The following CROCC2 variants were observed in gnomAD, a reference collection of about 807,000 sequenced individuals.
The protein encoded by CROCC2 is ciliary rootlet coiled-coil, rootletin family member 2.
A neutral mutation model predicts 177.6 loss-of-function variants in CROCC2; 163 were observed. The ratio of observed to expected loss-of-function variants is 0.92; its 90% CI spans 0.81 to 1.05. The LOEUF (loss-of-function observed/expected upper bound fraction) is 1.05, where lower values mean the gene tolerates loss of function less well. Ranked by LOEUF, CROCC2 falls within the 50% of genes least tolerant of loss-of-function variation. The pLI is 0.00. For synonymous variants in CROCC2, 904 were observed against 787.3 expected, an observed-to-expected ratio of 1.15 and a Z score of -2.48; for missense variants, 1,929 against 1,797.8, an observed-to-expected ratio of 1.07 and a Z score of -1.32.
chr2:240,926,637 C>T (rs2059396957), intron 5 of CROCC2, among the ~76,000 whole-genome samples: 1 of 152,250 alleles, frequency 6.6e-6, no homozygotes, highest in African/African-American at 2.4e-5. Flanking sequence ...GCCGGAGGGG[C>T]AGCCGCGTTT....
At chr2:240,916,675 T>C (rs1220191093) in intron 1 of CROCC2, among the ~76,000 whole-genome samples, 3 of 151,928 alleles carry the variant, frequency 2.0e-5, no homozygotes, top group Non-Finnish European at 2.9e-5. Context: ...CTGTAAATGT[T>C]AGGAATGAGT....
rs1386313814 is a variant in CROCC2, at chr2:240,933,125, G to A, written c.1252-6G>A. 18 of 1,549,998 alleles carry A rather than the reference G, an allele frequency of 1.2e-5. No individual in the cohort carries two copies. The highest frequency in any genetic ancestry group is 3.6e-5 in the South Asian group (3 of 84,050). On this transcript the variant is annotated splice_region_variant and splice_polypyrimidine_tract_variant and intron_variant, in intron 9 of 31. Coordinates refer to ENST00000690015, the MANE Select transcript of CROCC2 (RefSeq NM_001351305.2). ...GAGAGGCCCACAACTTACCCCACCC[G>A]AGCAGGAGCTGTGCCTGCAGCTGAA...
At chr2:240,913,590 C>T (rs2059301147) in intron 1 of CROCC2, among the ~76,000 whole-genome samples, 1 of 152,188 alleles carries the variant, frequency 6.6e-6, no homozygotes, top group South Asian at 2.1e-4. Context: ...ACAATCCCTG[C>T]CTCAGTGCCT....
chr2:240,965,132 C>T (rs1323735241), intron 22 of CROCC2, among the ~76,000 whole-genome samples: 1 of 152,210 alleles, frequency 6.6e-6, no homozygotes, highest in Non-Finnish European at 1.5e-5. Context: ...GCCCACCCCG[C>T]CCCACCTGAG....
chr2:240,933,077 G>C (rs1173762038), intron 9 of CROCC2, 54 bp from the exon 10 acceptor site: 6 of 1,545,848 alleles, frequency 3.9e-6, no homozygotes, highest in Middle Eastern at 3.5e-4. Flanking sequence ...GTGGGCCTCG[G>C]TGGGCAAAGC....
chr2:240,915,101 C>G (rs1235432939), intron 1 of CROCC2, among the ~76,000 whole-genome samples: 1 of 152,222 alleles, frequency 6.6e-6, no homozygotes, highest in Non-Finnish European at 1.5e-5. Flanking sequence ...CACCCCACCC[C>G]AGTGGAGAGC....
chr2:240,946,222 C>G lies in CROCC2; in HGVS notation c.2332C>G (p.Arg778Gly). The G allele has an allele frequency of 1.3e-6, 2 of 1,540,342 alleles. No homozygotes were observed. The highest frequency in any genetic ancestry group is 2.5e-5 in the East Asian group (1 of 40,580). The change falls in exon 15 of 32, where the codon CGG (arginine) becomes GGG (glycine). Residue 778 changes from arginine (R) to glycine (G), a missense_variant. Physicochemically the swap from Arg to Gly is moderately radical, Grantham distance 125. Around this residue, in one of 3 missense-constraint regions of CROCC2, gnomAD observed 1,397 missense variants for 1,239.9 expected, o/e 1.13. Transcript: ENST00000690015. The stretch of plus-strand genomic sequence containing the variant: ...GCAGGAGGCCTTGGAGAGGCAGGGC[C>G]GGCTCGCAGCTGAAGAGGCAGCTGA... ...AKQEALERQGRLAAEEAADLR... is the reference protein window; with the variant it reads ...AKQEALERQGGLAAEEAADLR...
At chr2:240,984,623 ACACACACACCCAGGCACTCACTC>A (rs2059824532) in intron 28 of CROCC2, among the ~76,000 whole-genome samples, 2 of 70,802 alleles carry the variant, frequency 2.8e-5, no homozygotes, top group South Asian at 5.7e-4. Flanking sequence ...CACTCACTCC[ACACACACACCCAGGCACTCACTC>A]CACACACACA....
At chr2:240,916,298 G>A (rs1383015306) in intron 1 of CROCC2, among the ~76,000 whole-genome samples, 1 of 151,748 alleles carries the variant, frequency 6.6e-6, no homozygotes, top group Admixed American at 6.6e-5. Context: ...CTCTCCTCCG[G>A]GTGGTTCCAT....
chr2:240,976,076 A>G (rs543133466), intron 27 of CROCC2, among the ~76,000 whole-genome samples: 2 of 152,304 alleles, frequency 1.3e-5, no homozygotes, highest in Non-Finnish European at 2.9e-5. Flanking sequence ...ACTGCATCAT[A>G]CCCATGCCCC....
intron 1 of CROCC2, among the ~76,000 whole-genome samples, chr2:240,911,848 G>A (rs1185553001): frequency 6.6e-6 from 1 of 152,170 alleles, no homozygotes; most frequent in African/African-American, 2.4e-5. Context: ...GCTGAGTAAT[G>A]TTCTACTCAT....
chr2:240,976,609 G>T (rs1439942922), intron 27 of CROCC2, among the ~76,000 whole-genome samples: 3 of 91,742 alleles, frequency 3.3e-5, no homozygotes, highest in African/African-American at 1.5e-4. Flanking sequence ...AGTCTCTGGG[G>T]TAGGAGCCTC....
intron 21 of CROCC2, 57 bp downstream of exon 21, chr2:240,963,830 G>A: frequency 6.6e-7 from 1 of 1,519,550 alleles, no homozygotes. Context: ...GCCCACCCAG[G>A]CCGTAGGGAG....
rs896891231 is a variant in CROCC2, at chr2:240,934,274, A to G, written c.1647-57A>G. On this transcript the variant is annotated intron_variant, in intron 11 of 31. Transcript: ENST00000690015. Reference sequence around the variant, plus strand: ...CAGGTGGTCGCCTGCCTGAAATCCCATGGGGCAGCCACTGCTCACCCTGAG... The same window carrying G: ...CAGGTGGTCGCCTGCCTGAAATCCCGTGGGGCAGCCACTGCTCACCCTGAG... 7.6e-5 allele frequency: 116 copies of G among 1,526,238 alleles called. 1 individual carries two copies. In the Admixed American group the frequency reaches 2.2e-3, roughly 28 times the overall value. The allele number at this position is 1,526,238 out of a possible 1,614,324, so 94.5% of individuals were successfully genotyped here.
At chr2:240,975,348 C>T (rs963346186) in intron 27 of CROCC2, among the ~76,000 whole-genome samples, 13 of 152,326 alleles carry the variant, frequency 8.5e-5, no homozygotes, top group African/African-American at 3.1e-4. Context: ...CTCCAATCCC[C>T]TTGTATCTGA....
chr2:240,966,834 C>T (rs550109105), intron 25 of CROCC2, among the ~76,000 whole-genome samples: 3 of 152,144 alleles, frequency 2.0e-5, no homozygotes, highest in East Asian at 1.9e-4. Context: ...CACCCGTGAG[C>T]GGCCCCCTCC....
intron 18 of CROCC2, chr2:240,955,301 C>A (rs2059583851): frequency 6.5e-6 from 1 of 152,832 alleles, no homozygotes; most frequent in Non-Finnish European, 1.5e-5. Flanking sequence ...CTGGGCTGCC[C>A]TCCCCCAGAT....
intron 13 of CROCC2, 113 bp downstream of exon 13, chr2:240,935,175 T>A: frequency 7.9e-7 from 1 of 1,267,446 alleles, no homozygotes; most frequent in Non-Finnish European, 1.0e-6. Context: ...CTCTCCTGGT[T>A]TGAGGTTTTG....
At chr2:240,959,758 G>A (rs1195145502) in intron 20 of CROCC2, 5 of 230,136 alleles carry the variant, frequency 2.2e-5, no homozygotes, top group East Asian at 9.3e-5. Context: ...CTCCTGAAGG[G>A]GTGAGTTTGA....
Sources: gnomAD v4.1 joint callset for allele counts (sites outside exome capture counted in the v4.1 genomes callset) on GRCh38, gnomAD v4.1.1 for gene constraint, gnomAD v4.1.1 regional missense constraint, MANE v1.5 for transcripts, NCBI Gene and HGNC (gene_info 2026-07-23, HGNC 2026-07-21) for gene names.